AFDN: variants seen among roughly 807,000 people sequenced by gnomAD.
AFDN encodes the protein afadin, adherens junction formation factor.
In AFDN, 68 loss-of-function variants were observed where a neutral mutation model predicts 216.6. The ratio of observed to expected loss-of-function variants is 0.31; its 90% confidence interval spans 0.26 to 0.38. The LOEUF is 0.38. Among genes scored for constraint, AFDN ranks in the 10% least tolerant of loss-of-function variants. The pLI, the probability that AFDN is intolerant of heterozygous loss-of-function variation, is 1.00. For missense variants in AFDN, 2,136 were observed against 2,342.0 expected, an observed-to-expected ratio of 0.91 and a Z score of 1.82; for synonymous variants, 868 against 853.7, an observed-to-expected ratio of 1.02 and a Z score of -0.29.
At position 167,915,276 on chromosome 6, in the gene AFDN, T is replaced by C. The variant is rs1790904703; in HGVS notation, c.2408T>C (p.Met803Thr). ...LFSQLFHFINMWLFNRLVTDP... is the reference protein window; with the variant it reads ...LFSQLFHFINTWLFNRLVTDP... Reference sequence around the variant, plus strand: ...TCTCAGCTCTTCCACTTCATCAATATGTGGCTGTTCAATAGATTGGTGACC... The same window carrying C: ...TCTCAGCTCTTCCACTTCATCAATACGTGGCTGTTCAATAGATTGGTGACC... Residue 803 changes from methionine (M) to threonine (T), a missense_variant, in exon 19 of 34, where the codon ATG becomes ACG. Physicochemically the swap from Met to Thr is moderately conservative, Grantham distance 81. This residue lies in a region of AFDN where 817 missense variants were observed against 965.7 expected (regional missense o/e 0.85). Coordinates refer to ENST00000683244, the MANE Select transcript of AFDN (RefSeq NM_001386888.1). The C allele has an allele frequency of 6.2e-7, 1 of 1,614,248 alleles. No homozygotes were observed. The highest frequency in any genetic ancestry group is 1.3e-5 in the African/African-American group (1 of 75,064).
chr6:167,962,166 A>C lies in AFDN; in HGVS notation c.4834-267A>C, dbSNP rs1307231795. On this transcript the variant is annotated intron_variant, in intron 30 of 33. Coordinates refer to ENST00000683244, the MANE Select transcript of AFDN (RefSeq NM_001386888.1). The surrounding 1 kb of genome is among the most constrained non-coding windows in gnomAD (Gnocchi z 5.2). ...GTGCTTGTTGAATGTGTGAATGTAG[A>C]TGATAAATTCCATCTTATAGCCATG... is the stretch of plus-strand genomic sequence containing the variant. Among the ~76,000 whole-genome samples the C allele has an allele frequency of 6.6e-6, 1 of 152,232 alleles. No homozygotes were observed. Among genetic ancestry groups the C allele is most frequent in the East Asian group, 1.9e-4 (1 of 5,200 alleles).
At chr6:167,969,303 T>C in intron 33 of AFDN, 105 bp downstream of exon 33, 1 of 853,528 alleles carries the variant, frequency 1.2e-6, no homozygotes, top group Non-Finnish European at 2.0e-6. Flanking sequence ...GGCTTCACTC[T>C]GTGACCTCAC....
At chr6:167,863,796 C>T (rs1554284382) in intron 1 of AFDN, 1 of 518,604 alleles carries the variant, frequency 1.9e-6, no homozygotes, top group Admixed American at 1.9e-5. Flanking sequence ...TGCTTTTTCT[C>T]TAGAGGTAAG....
chr6:167,864,959 G>A, intron 2 of AFDN: 2 of 725,054 alleles, frequency 2.8e-6, no homozygotes, highest in Non-Finnish European at 5.0e-6. Flanking sequence ...TTGGAAGTTA[G>A]AATGAATATA....
intron 12 of AFDN, among the ~76,000 whole-genome samples, chr6:167,902,933 T>C (rs2128411855): frequency 1.3e-5 from 2 of 152,290 alleles, no homozygotes; most frequent in Middle Eastern, 3.4e-3. Flanking sequence ...AGTTACCAGA[T>C]CTTTCTTTTC....
chr6:167,876,132 G>T (rs1785348315), intron 5 of AFDN, among the ~76,000 whole-genome samples: 1 of 152,108 alleles, frequency 6.6e-6, no homozygotes, highest in Non-Finnish European at 1.5e-5. Context: ...CACTGCTCAG[G>T]ACTCTATTTC....
chr6:167,962,492 G>A lies in AFDN; in HGVS notation c.4893G>A (p.Ala1631=), dbSNP rs141410347. 0.015 allele frequency: 24,549 copies of A among 1,613,734 alleles called. 246 individuals are homozygous for A. Among genetic ancestry groups the A allele is most frequent in the Middle Eastern group, 0.02 (120 of 6,056 alleles). ...TAGAAGAGATGCGCAAGCGGGAAGC[G>A]GAAGACCGAGCGAGGCAAGAGGAAG... ...QQLEEMRKRE[A]EDRARQEEER... The change falls in exon 31 of 34, where the codon GCG becomes GCA. Residue 1631 remains alanine, a synonymous_variant. Transcript: ENST00000683244. The surrounding 1 kb of genome is among the most constrained non-coding windows in gnomAD (Gnocchi z 5.2).
chr6:167,913,979 G>A (rs112929163), intron 16 of AFDN, 189 bp from the exon 17 acceptor site: 1 of 555,334 alleles, frequency 1.8e-6, no homozygotes, highest in African/African-American at 1.9e-5. Context: ...AATAGTTGCA[G>A]TGGTTATTTA....
At position 167,872,279 on chromosome 6, in the gene AFDN, T is replaced by G; in HGVS notation, c.480T>G (p.Thr160=). The G allele has an allele frequency of 6.2e-7, 1 of 1,613,458 alleles. No individual in the cohort carries two copies. Among genetic ancestry groups the G allele is most frequent in the Non-Finnish European group, 8.5e-7 (1 of 1,179,832 alleles). Residue 160 remains threonine, a synonymous_variant, in exon 4 of 34, where the codon ACT becomes ACG. Coordinates refer to ENST00000683244, the MANE Select transcript of AFDN (RefSeq NM_001386888.1). ...GGGTTATCCAGAACTTCAAGAGAAC[T>G]CTCTCAAAGAAAGAAAAGAAGGAAA... ...KEGVIQNFKR[T]LSKKEKKEKK... is the part of the protein sequence containing the mutation.
rs1201754395 is a variant in AFDN at position 167,917,204 on chromosome 6, G to A, written c.2681G>A (p.Cys894Tyr). The A allele has an allele frequency of 6.2e-7, 1 of 1,607,262 alleles. No individual in the cohort carries two copies. The highest frequency in any genetic ancestry group is 8.5e-7 in the Non-Finnish European group (1 of 1,177,922). ...QLQALLQNYH[C>Y]APDEPFIPTD... ...CAAGCCTTATTACAGAACTATCACT[G>A]TGCACCTGATGAGCCTTTTATCCCA... The change falls in exon 20 of 34, where the codon TGT becomes TAT. Residue 894 changes from cysteine to tyrosine, a missense_variant. Coordinates refer to ENST00000683244, the MANE Select transcript of AFDN (RefSeq NM_001386888.1).
intron 1 of AFDN, among the ~76,000 whole-genome samples, chr6:167,844,863 T>TTTTTG (rs1554278987): frequency 2.1e-5 from 3 of 146,030 alleles, no homozygotes; most frequent in African/African-American, 7.6e-5. Flanking sequence ...TTTTTTTTTT[T>TTTTTG]TTTTTTTGGT....
chr6:167,862,276 C>T (rs537958069), intron 1 of AFDN, among the ~76,000 whole-genome samples: 1 of 152,172 alleles, frequency 6.6e-6, no homozygotes, highest in Admixed American at 6.5e-5. Context: ...AGCACAGTAC[C>T]TGGCACATAG....
chr6:167,893,835 G>T, intron 8 of AFDN, 27 bp from the exon 9 acceptor site: 1 of 1,562,356 alleles, frequency 6.4e-7, no homozygotes, highest in East Asian at 2.3e-5. Context: ...GCCTTCACCT[G>T]GGTCCTGGCA....
In AFDN at chr6:167,952,028, C is replaced by T. The variant is rs754368055; in HGVS notation, c.4674C>T (p.Ala1558=). 18 of 1,614,026 alleles carry T rather than the reference C, an allele frequency of 1.1e-5. No individual in the cohort carries two copies. Among genetic ancestry groups the T allele is most frequent in the South Asian group, 4.4e-5 (4 of 91,080 alleles). Residue 1558 remains alanine (A), a synonymous_variant, in exon 30 of 34, where the codon GCC becomes GCT. Transcript: ENST00000683244. Reference sequence around the variant, plus strand: ...TCCAGAGCAAACCGGACCGCAGCGCCGAGGAGAGCGACCGGCTGCGCAAGC... The same window carrying T: ...TCCAGAGCAAACCGGACCGCAGCGCTGAGGAGAGCGACCGGCTGCGCAAGC... ...QELQSKPDRS[A]EESDRLRKLM... is the part of the protein sequence containing the mutation.
intron 3 of AFDN, among the ~76,000 whole-genome samples, chr6:167,871,907 A>C (rs1412768308): frequency 2.6e-5 from 4 of 152,138 alleles, no homozygotes; most frequent in African/African-American, 7.2e-5. Flanking sequence ...TTTCTCCCCC[A>C]GTTTTCTAAC....
chr6:167,859,252 C>G (rs574714727), intron 1 of AFDN, among the ~76,000 whole-genome samples: 1 of 152,254 alleles, frequency 6.6e-6, no homozygotes, highest in South Asian at 2.1e-4. Flanking sequence ...TGTCCTCTAC[C>G]TAAAGCTGTT....
At chr6:167,915,085 C>T in intron 18 of AFDN, 83 bp from the exon 19 acceptor site, 2 of 1,412,008 alleles carry the variant, frequency 1.4e-6, no homozygotes, top group Non-Finnish European at 1.9e-6. Flanking sequence ...CCATAGGTAC[C>T]ATTATCTAAA....
chr6:167,963,816 T>A, intron 31 of AFDN: 1 of 1,063,466 alleles, frequency 9.4e-7, no homozygotes, highest in Non-Finnish European at 1.1e-6. Flanking sequence ...GAAATCAGAT[T>A]TACAAAATGC....
intron 12 of AFDN, among the ~76,000 whole-genome samples, chr6:167,906,601 A>G (rs1232627941): frequency 3.3e-5 from 5 of 152,162 alleles, no homozygotes; most frequent in African/African-American, 1.2e-4. Flanking sequence ...ATTCCATACA[A>G]ATGGTTAGAA....
Sources: gnomAD v4.1 joint callset for allele counts (sites outside exome capture counted in the v4.1 genomes callset) on GRCh38, gnomAD v4.1.1 for gene constraint, gnomAD v4.1.1 regional missense constraint, Gnocchi (gnomAD v3.1) non-coding constraint, MANE v1.5 for transcripts, NCBI Gene and HGNC (gene_info 2026-07-23, HGNC 2026-07-21) for gene names.